Variants in PDE4B observed in about 807,000 individuals in gnomAD.
The protein encoded by PDE4B is phosphodiesterase 4B, also known as 3',5'-cyclic-AMP phosphodiesterase 4B.
Under a neutral mutation model 82.2 loss-of-function variants are expected in PDE4B, and 20 were observed. That is an observed-to-expected ratio of 0.24 (90% CI 0.17 to 0.35). PDE4B has a LOEUF of 0.35. PDE4B is among the 10% of genes least tolerant of loss of function. The pLI is 1.00. For synonymous variants in PDE4B, 320 were observed against 318.9 expected (o/e 1.00, Z -0.04); for missense variants, 655 against 907.2 (o/e 0.72, Z 3.57).
At chr1:66,248,800 C>T (rs1189183046) in intron 4 of PDE4B, among the ~76,000 whole-genome samples, 2 of 152,202 alleles carry the variant, frequency 1.3e-5, no homozygotes, top group Non-Finnish European at 2.9e-5. Context: ...CACATACAAA[C>T]ATAACAGAGT....
At chr1:66,276,694 T>C (rs1570607477) in intron 7 of PDE4B, among the ~76,000 whole-genome samples, 3 of 152,356 alleles carry the variant, frequency 2.0e-5, no homozygotes, top group African/African-American at 7.2e-5. Flanking sequence ...CAAGGCACTG[T>C]GTTAGCCACT....
intron 7 of PDE4B, among the ~76,000 whole-genome samples, chr1:66,278,193 G>A (rs779578138): frequency 3.3e-5 from 5 of 152,204 alleles, no homozygotes; most frequent in Non-Finnish European, 5.9e-5. Flanking sequence ...GCAATAAATT[G>A]TAACTAAAAG....
rs140228922 is a variant in PDE4B, at chr1:66,366,926, C to T, written c.1385-770C>T. Reference sequence around the variant, plus strand: ...TGTAACAGAACCTGTAATTAAGTAACACATTACCACCACTTGTCTGGTATT... The same window carrying T: ...TGTAACAGAACCTGTAATTAAGTAATACATTACCACCACTTGTCTGGTATT... On this transcript the variant is annotated intron_variant, in intron 13 of 16. Coordinates refer to ENST00000341517, the MANE Select transcript of PDE4B (RefSeq NM_002600.4). Among the ~76,000 whole-genome samples the T allele has an allele frequency of 4.8e-3, 737 of 152,298 alleles. 5 individuals carry two copies. The highest frequency in any genetic ancestry group is 0.017 in the African/African-American group (715 of 41,562).
chr1:65,929,782 G>A (rs1647728319), intron 3 of PDE4B, among the ~76,000 whole-genome samples: 1 of 152,140 alleles, frequency 6.6e-6, no homozygotes, highest in South Asian at 2.1e-4. Context: ...TGAATTGGGA[G>A]TGTCAAATGC....
At chr1:65,850,970 TTG>T (rs1188929571) in intron 1 of PDE4B, among the ~76,000 whole-genome samples, 3 of 152,210 alleles carry the variant, frequency 2.0e-5, no homozygotes, top group African/African-American at 7.2e-5. Context: ...GATTAATTTT[TTG>T]TATGAAGTGA....
chr1:66,143,249 A>G (rs1646208207), intron 3 of PDE4B, among the ~76,000 whole-genome samples: 1 of 152,234 alleles, frequency 6.6e-6, no homozygotes, highest in Admixed American at 6.5e-5. Context: ...ATTATGAGCC[A>G]TTTATACACC....
intron 3 of PDE4B, among the ~76,000 whole-genome samples, chr1:65,999,803 A>T (rs1651764015): frequency 6.6e-6 from 1 of 152,204 alleles, no homozygotes; most frequent in African/African-American, 2.4e-5. Context: ...TTGAAGAAAT[A>T]AAGAATGAAT....
intron 3 of PDE4B, among the ~76,000 whole-genome samples, chr1:66,157,250 G>A (rs1378232468): frequency 6.6e-6 from 1 of 152,108 alleles, no homozygotes; most frequent in Non-Finnish European, 1.5e-5. Flanking sequence ...AATCTGACTA[G>A]TTATTACTAC....
chr1:65,829,253 A>G (rs2101284552), intron 1 of PDE4B, among the ~76,000 whole-genome samples: 1 of 152,342 alleles, frequency 6.6e-6, no homozygotes, highest in Non-Finnish European at 1.5e-5. Context: ...GGAGCAAATT[A>G]TCCAAGAAGA....
intron 3 of PDE4B, among the ~76,000 whole-genome samples, chr1:66,205,539 G>A (rs901668962): frequency 6.6e-6 from 1 of 152,174 alleles, no homozygotes; most frequent in Non-Finnish European, 1.5e-5. Context: ...CAAAGTAACA[G>A]CAGTGACAAT....
At chr1:66,037,501 T>G (rs1654130215) in intron 3 of PDE4B, among the ~76,000 whole-genome samples, 1 of 152,220 alleles carries the variant, frequency 6.6e-6, no homozygotes, top group African/African-American at 2.4e-5. Flanking sequence ...TTTTCAGTTC[T>G]AGTAGTTTTT....
At chr1:65,805,109 C>T (rs943247282) in intron 1 of PDE4B, among the ~76,000 whole-genome samples, 8 of 151,814 alleles carry the variant, frequency 5.3e-5, no homozygotes, top group Admixed American at 2.0e-4. Context: ...GGATTACAGG[C>T]GTGCACCACC....
chr1:65,800,393 G>T (rs529500045), intron 1 of PDE4B, among the ~76,000 whole-genome samples: 1 of 152,168 alleles, frequency 6.6e-6, no homozygotes, highest in East Asian at 1.9e-4. Context: ...GAATGAGGCA[G>T]TTTTTTTCTA....
chr1:66,172,254 A>G (rs946624142), intron 3 of PDE4B, among the ~76,000 whole-genome samples: 12 of 152,320 alleles, frequency 7.9e-5, no homozygotes, highest in African/African-American at 2.9e-4. Flanking sequence ...CTCCAGCTGC[A>G]TCCATATTGC....
chr1:65,872,598 G>T (rs1215067798), intron 1 of PDE4B, among the ~76,000 whole-genome samples: 1 of 152,124 alleles, frequency 6.6e-6, no homozygotes, highest in African/African-American at 2.4e-5. Flanking sequence ...AGAGGAAAAA[G>T]CAGCTATTAA....
chr1:66,052,069 T>C (rs1220492211), intron 3 of PDE4B, among the ~76,000 whole-genome samples: 1 of 152,172 alleles, frequency 6.6e-6, no homozygotes, highest in East Asian at 1.9e-4. Context: ...TCCTCATCCC[T>C]TTCATGTTGT....
At chr1:66,309,650 TG>T (rs1658531428) in intron 7 of PDE4B, among the ~76,000 whole-genome samples, 1 of 152,176 alleles carries the variant, frequency 6.6e-6, no homozygotes, top group South Asian at 2.1e-4. Context: ...GAGTACAGGC[TG>T]TGCCACTCAC....
intron 1 of PDE4B, among the ~76,000 whole-genome samples, chr1:65,840,584 TA>T (rs1056652899): frequency 6.6e-6 from 1 of 151,998 alleles, no homozygotes. Flanking sequence ...GAAATAACAG[TA>T]AAAAAAGTTC....
At chr1:66,165,229 T>TTTGAAAAGTA (rs1297217432) in intron 3 of PDE4B, among the ~76,000 whole-genome samples, 1 of 152,192 alleles carries the variant, frequency 6.6e-6, no homozygotes, top group Non-Finnish European at 1.5e-5. Context: ...TAATGTAAAG[T>TTTGAAAAGTA]TTGAAAAGTA....
Sources: gnomAD v4.1 joint callset for allele counts (sites outside exome capture counted in the v4.1 genomes callset) on GRCh38, gnomAD v4.1.1 for gene constraint, MANE v1.5 for transcripts, NCBI Gene and HGNC (gene_info 2026-07-23, HGNC 2026-07-21) for gene names.